Variants in CHD2 observed in about 807,000 individuals in gnomAD.
CHD2 encodes ATP-dependent chromatin remodeler CHD2.
Under a neutral mutation model 243.9 loss-of-function variants are expected in CHD2, and 28 were observed. The ratio of observed to expected loss-of-function variants is 0.11; its 90% CI spans 0.09 to 0.16. The LOEUF is 0.16. Ranked by LOEUF, CHD2 falls within the 10% of genes least tolerant of loss-of-function variation. The pLI is 1.00. For synonymous variants in CHD2, 775 were observed against 779.0 expected (o/e 0.99, Z 0.09); for missense variants, 1,386 against 2,209.8 (o/e 0.63, Z 7.47).
At chr15:92,918,764 A>C (rs1295667469) in intron 2 of CHD2, among the ~76,000 whole-genome samples, 1 of 151,642 alleles carries the variant, frequency 6.6e-6, no homozygotes, top group African/African-American at 2.4e-5. Context: ...AATAATATGA[A>C]TATATATATA....
chr15:92,949,534 A>G (rs1460437213), intron 13 of CHD2, among the ~76,000 whole-genome samples: 1 of 152,078 alleles, frequency 6.6e-6, no homozygotes, highest in Non-Finnish European at 1.5e-5. Context: ...TCCACTCCCT[A>G]CCTATATAGT....
chr15:92,970,424 C>T (rs1479948357), intron 17 of CHD2, among the ~76,000 whole-genome samples: 1 of 152,202 alleles, frequency 6.6e-6, no homozygotes, highest in Non-Finnish European at 1.5e-5. Context: ...TGGTCTCGAA[C>T]TCCCAACCTC....
Position 92,930,264 on chromosome 15 carries a change from G to A in CHD2, c.443+1173G>A, listed in dbSNP as rs118105713. ...GCATGTAATCATTACTTCACCATCTGGCTACATTCCTTTGGTCTCTTGACT... is the reference window on the plus strand; with the variant it reads ...GCATGTAATCATTACTTCACCATCTAGCTACATTCCTTTGGTCTCTTGACT... On this transcript the variant is annotated intron_variant, in intron 5 of 38. Coordinates refer to ENST00000394196, the MANE Select transcript of CHD2 (RefSeq NM_001271.4). Among the ~76,000 whole-genome samples the A allele has an allele frequency of 3.0e-3, 463 of 152,118 alleles. 1 individual carries two copies. Among genetic ancestry groups the A allele is most frequent in the Middle Eastern group, 0.01 (3 of 292 alleles).
chr15:92,972,558 A>T, intron 19 of CHD2, 141 bp downstream of exon 19: 1 of 429,510 alleles, frequency 2.3e-6, no homozygotes, highest in Non-Finnish European at 3.8e-6. Context: ...AGTTAAGGTT[A>T]AGATTCCAGG....
chr15:92,931,938 C>G (rs1327622635), intron 5 of CHD2, among the ~76,000 whole-genome samples: 1 of 150,900 alleles, frequency 6.6e-6, no homozygotes, highest in African/African-American at 2.4e-5. Context: ...TCTCGGCTCA[C>G]TGCAGCCTCC....
At chr15:93,020,490 GGAAATCTA>G (rs745579824) in intron 38 of CHD2, 318 of 615,940 alleles carry the variant, frequency 5.2e-4, no homozygotes, top group Non-Finnish European at 7.3e-4. Context: ...CGTCTTTTGA[GGAAATCTA>G]GTGAAGAGGT....
intron 2 of CHD2, among the ~76,000 whole-genome samples, chr15:92,906,598 T>C (rs190153060): frequency 4.6e-5 from 7 of 152,222 alleles, no homozygotes; most frequent in Admixed American, 4.6e-4. Flanking sequence ...ACTAAGTTTG[T>C]TTCTGGTATA....
chr15:93,019,220 A>G (rs773124982), intron 37 of CHD2, among the ~76,000 whole-genome samples: 11 of 152,190 alleles, frequency 7.2e-5, no homozygotes, highest in Non-Finnish European at 1.6e-4. Context: ...AGAGATTTTC[A>G]GAGACCAGGC....
intron 2 of CHD2, among the ~76,000 whole-genome samples, chr15:92,920,229 A>T (rs769972698): frequency 6.6e-6 from 1 of 152,218 alleles, no homozygotes; most frequent in Non-Finnish European, 1.5e-5. Flanking sequence ...AAAAACACAT[A>T]GCTGCACAAG....
intron 37 of CHD2, among the ~76,000 whole-genome samples, chr15:93,019,121 A>G (rs749409995): frequency 6.6e-6 from 1 of 152,240 alleles, no homozygotes; most frequent in African/African-American, 2.4e-5. Context: ...GCTCAAAGTT[A>G]GAGAAATTAC....
chr15:92,902,129 C>T (rs1018781596), intron 2 of CHD2: 1 of 397,700 alleles, frequency 2.5e-6, no homozygotes, highest in Non-Finnish European at 4.4e-6. Flanking sequence ...TTTATCCTCA[C>T]AATTTAGATG....
chr15:92,936,715 T>C (rs2053272943), intron 5 of CHD2, among the ~76,000 whole-genome samples: 1 of 152,318 alleles, frequency 6.6e-6, no homozygotes, highest in South Asian at 2.1e-4. Context: ...TTAAAATATC[T>C]AGTATAGTGG....
chr15:92,960,729 T>C (rs2053675839), intron 16 of CHD2, among the ~76,000 whole-genome samples: 1 of 147,358 alleles, frequency 6.8e-6, no homozygotes, highest in Admixed American at 6.7e-5. Flanking sequence ...TTTTTTTTTT[T>C]TTTAAGACAG....
Position 92,996,818 on chromosome 15 carries a change from C to T in CHD2, c.3596-139C>T, listed in dbSNP as rs1258358343. 3.7e-6 allele frequency: 3 copies of T among 801,398 alleles called. No homozygotes were observed. The East Asian group carries it at 8.9e-5, about 24-fold the overall frequency. The allele number at this position is 801,398 out of a possible 1,614,324, so 49.6% of individuals were successfully genotyped here. On this transcript the variant is annotated intron_variant, in intron 28 of 38. Transcript: ENST00000394196. ...GACATTAGTTGAGAAAAAAATTTGT[C>T]TTATAGATTATATCTTCAAAATAAC...
chr15:92,929,004 C>T (rs781312853), intron 4 of CHD2, 26 bp from the exon 5 acceptor site: 1 of 1,605,154 alleles, frequency 6.2e-7, no homozygotes, highest in Non-Finnish European at 8.5e-7. Flanking sequence ...AGTCTGTAAT[C>T]ATTTTTCCCC....
intron 16 of CHD2, among the ~76,000 whole-genome samples, chr15:92,960,009 A>T (rs1382956370): frequency 6.6e-6 from 1 of 152,248 alleles, no homozygotes; most frequent in East Asian, 1.9e-4. Flanking sequence ...ATAATCATGG[A>T]AAGTTTTTCT....
chr15:93,000,637 G>A lies in CHD2; in HGVS notation c.4134G>A (p.Val1378=). Residue 1378 remains valine (V), a synonymous_variant, in exon 32 of 39, where the codon GTG becomes GTA. Coordinates refer to ENST00000394196, the MANE Select transcript of CHD2 (RefSeq NM_001271.4). The part of the protein sequence containing the change: ...HSDNPSEEGE[V]KDDGLEKSPM... The stretch of plus-strand genomic sequence containing the variant: ...ATAATCCATCAGAAGAGGGAGAAGT[G>A]AAAGTATGAAGTGGGGTTTCGGTTG... The A allele has an allele frequency of 6.2e-7, 1 of 1,610,348 alleles. No individual in the cohort carries two copies. The highest frequency in any genetic ancestry group is 8.5e-7 in the Non-Finnish European group (1 of 1,178,266).
chr15:92,974,765 G>A, intron 19 of CHD2, 114 bp from the exon 20 acceptor site: 1 of 879,016 alleles, frequency 1.1e-6, no homozygotes, highest in Non-Finnish European at 1.8e-6. Flanking sequence ...CCAGTGCTTT[G>A]CAGTTATTTT....
At chr15:92,953,640 C>G in intron 14 of CHD2, 67 bp downstream of exon 14, 1 of 1,436,362 alleles carries the variant, frequency 7.0e-7, no homozygotes, top group Non-Finnish European at 9.8e-7. Flanking sequence ...TCACTTAAAG[C>G]CTTCAGTAGA....
Sources: allele counts gnomAD v4.1 joint callset (sites outside exome capture counted in the v4.1 genomes callset), GRCh38; gene constraint gnomAD v4.1.1; transcripts MANE v1.5; gene names NCBI Gene and HGNC (gene_info 2026-07-23, HGNC 2026-07-21).